TTC34: variants seen among roughly 807,000 people sequenced by gnomAD.
The protein encoded by TTC34 is tetratricopeptide repeat protein 34.
A neutral mutation model predicts 40.7 loss-of-function variants in TTC34; 44 were observed. The ratio of observed to expected loss-of-function variants is 1.08; its 90% confidence interval spans 0.85 to 1.39. The LOEUF is 1.39. TTC34 is among the 40% of genes most tolerant of loss of function. The probability of loss-of-function intolerance (pLI) is 0.00; values close to 1 mark genes in which losing one functional copy is unlikely to be tolerated. For missense variants in TTC34, 884 were observed against 838.0 expected, an observed-to-expected ratio of 1.05 and a Z score of -0.68; for synonymous variants, 422 against 398.6, an observed-to-expected ratio of 1.06 and a Z score of -0.70.
intron 6 of TTC34, among the ~76,000 whole-genome samples, chr1:2,760,564 C>T (rs1419682582): frequency 3.2e-5 from 1 of 30,996 alleles, no homozygotes; most frequent in Non-Finnish European, 4.8e-5. Context: ...AGCACCCACA[C>T]ACCCAGGTCA....
In TTC34 at chr1:2,645,292, C is replaced by A. The variant is rs1012091001; in HGVS notation, c.2497+1G>T. ...TTTCCCACCTTGGGGCCGCCGCATA[C>A]CCTGTGCCATGAGAATGTCTGCCAG... On this transcript the variant is annotated splice_donor_variant, in intron 7 of 8. Coordinates refer to ENST00000401095, the Ensembl canonical transcript of TTC34. LOFTEE classifies it high-confidence loss of function. The surrounding 1 kb of genome is among the most constrained non-coding windows in gnomAD (Gnocchi z 4.7). 7 of 1,485,950 alleles carry A rather than the reference C, an allele frequency of 4.7e-6. No individual in the cohort carries two copies. The African/African-American group carries it at 8.4e-5, about 18-fold the overall frequency. The allele number at this position is 1,485,950 out of a possible 1,614,324, so 92.0% of individuals were successfully genotyped here. A position where few individuals can be genotyped will look rare whatever the true frequency, so the allele number is the denominator to read the frequency against.
intron 6 of TTC34, among the ~76,000 whole-genome samples, chr1:2,767,949 G>C (rs973848187): frequency 1.3e-5 from 2 of 149,046 alleles, no homozygotes; most frequent in African/African-American, 2.5e-5. Context: ...GCATCCGATG[G>C]CATGGAACAG....
At chr1:2,685,238 C>G (rs546455552) in intron 6 of TTC34, among the ~76,000 whole-genome samples, 7 of 31,514 alleles carry the variant, frequency 2.2e-4, no homozygotes, top group South Asian at 2.3e-3. Context: ...AGCACCCACA[C>G]CCCAGGTGAG....
At chr1:2,652,024 C>A (rs79208841) in intron 6 of TTC34, among the ~76,000 whole-genome samples, 6 of 2,084 alleles carry the variant, frequency 2.9e-3, no homozygotes, top group South Asian at 0.025. Context: ...CACCTGACAT[C>A]GTGGAGCAGC....
intron 6 of TTC34, among the ~76,000 whole-genome samples, chr1:2,687,078 C>T (rs552601394): frequency 1.4e-4 from 21 of 145,976 alleles, no homozygotes; most frequent in African/African-American, 4.6e-4. Context: ...GGAGCAGGAC[C>T]CACACCCCCA....
chr1:2,657,727 G>A (rs201714206), intron 6 of TTC34, among the ~76,000 whole-genome samples: 22 of 31,312 alleles, frequency 7.0e-4, no homozygotes, highest in Middle Eastern at 0.033. Flanking sequence ...GACAGCCTGG[G>A]TCGGCACCCA....
At chr1:2,648,187 C>A (rs1340497121) in intron 6 of TTC34, among the ~76,000 whole-genome samples, 1 of 152,124 alleles carries the variant, frequency 6.6e-6, no homozygotes, top group Non-Finnish European at 1.5e-5. Flanking sequence ...GGTCCCATTT[C>A]CCTGGTTCTC....
At chr1:2,657,751 G>A (rs539121561) in intron 6 of TTC34, among the ~76,000 whole-genome samples, 8 of 56,128 alleles carry the variant, frequency 1.4e-4, no homozygotes, top group African/African-American at 4.5e-4. Flanking sequence ...CCTCAGGTGA[G>A]CATCTGACGG....
intron 1 of TTC34, among the ~76,000 whole-genome samples, chr1:2,801,123 C>A (rs1643767734): frequency 6.6e-6 from 1 of 152,178 alleles, no homozygotes; most frequent in Non-Finnish European, 1.5e-5. Context: ...AGTGGCCTCC[C>A]CCAGCTCAGT....
intron 6 of TTC34, among the ~76,000 whole-genome samples, chr1:2,762,077 A>G (rs1320757963): frequency 1.6e-5 from 1 of 62,380 alleles, no homozygotes; most frequent in Non-Finnish European, 2.6e-5. Flanking sequence ...GACAGCCTGG[A>G]GCAGCACACA....
At chr1:2,688,770 A>T (rs1370023268) in intron 6 of TTC34, among the ~76,000 whole-genome samples, 2 of 103,692 alleles carry the variant, frequency 1.9e-5, no homozygotes, top group African/African-American at 1.0e-4. Context: ...CAGCACCCAC[A>T]TCCCCAGGCG....
chr1:2,695,002 A>G (rs1309871903), intron 6 of TTC34, among the ~76,000 whole-genome samples: 6 of 151,810 alleles, frequency 4.0e-5, no homozygotes, highest in African/African-American at 1.5e-4. Context: ...CCCCCAGGTG[A>G]GGATCTGACA....
chr1:2,638,562 C>A lies in TTC34; in HGVS notation c.*2806G>T, dbSNP rs760640455. ...ATTTCTCTCCACCTCCAGCTGAGCA[C>A]TGAGGAAGACGCAGGCCGGGGACTG... On this transcript the variant is annotated 3_prime_UTR_variant, in exon 9 of 9. Transcript: ENST00000401095. 2.0e-5 allele frequency: 3 copies of A among 152,316 alleles called. No individual in the cohort carries two copies. The East Asian group carries it at 5.8e-4, about 29-fold the overall frequency. 9.4% of individuals were successfully genotyped at this position (152,316 alleles called of 1,614,324 possible).
intron 2 of TTC34, among the ~76,000 whole-genome samples, chr1:2,795,921 T>A (rs1049928459): frequency 1.3e-5 from 2 of 152,248 alleles, no homozygotes; most frequent in Non-Finnish European, 2.9e-5. Context: ...TGCTACAGTT[T>A]GAATGTTTGT....
At chr1:2,756,044 A>G (rs1641494648) in intron 6 of TTC34, among the ~76,000 whole-genome samples, 9 of 82,528 alleles carry the variant, frequency 1.1e-4, no homozygotes, top group Middle Eastern at 4.8e-3. Context: ...AGCATCTGAC[A>G]ACCTGGAACA....
chr1:2,752,886 C>A (rs1641371288), intron 6 of TTC34, among the ~76,000 whole-genome samples: 1 of 151,464 alleles, frequency 6.6e-6, no homozygotes, highest in African/African-American at 2.4e-5. Flanking sequence ...CCTGGAACGG[C>A]ACCCACACCC....
intron 6 of TTC34, among the ~76,000 whole-genome samples, chr1:2,700,020 T>C (rs1227009818): frequency 8.7e-6 from 1 of 115,158 alleles, no homozygotes. Flanking sequence ...CACCCCCAGG[T>C]GAGCATCTGA....
chr1:2,750,032 G>A (rs1424814642), intron 6 of TTC34, among the ~76,000 whole-genome samples: 1 of 21,080 alleles, frequency 4.7e-5, no homozygotes, highest in Non-Finnish European at 8.9e-5. Flanking sequence ...ACAGCCTGGA[G>A]CAGCACCCAC....
chr1:2,652,697 C>A (rs1401676292), intron 6 of TTC34, among the ~76,000 whole-genome samples: 1 of 146,570 alleles, frequency 6.8e-6, no homozygotes, highest in Non-Finnish European at 1.5e-5. Context: ...CACAGGTGAG[C>A]ATCTGACAGC....
Sources: gnomAD v4.1 joint callset for allele counts (sites outside exome capture counted in the v4.1 genomes callset) on GRCh38, gnomAD v4.1.1 for gene constraint, Gnocchi (gnomAD v3.1) non-coding constraint, MANE v1.5 for transcripts, NCBI Gene and HGNC (gene_info 2026-07-23, HGNC 2026-07-21) for gene names.